GPHN: variants seen among roughly 807,000 people sequenced by gnomAD.
GPHN encodes gephyrin.
A neutral mutation model predicts 95.5 loss-of-function variants in GPHN; 17 were observed. The observed-to-expected ratio is 0.18, with a 90% CI of 0.12 to 0.27. GPHN has a LOEUF of 0.27. Among genes scored for constraint, GPHN ranks in the 10% least tolerant of loss-of-function variants. The probability of loss-of-function intolerance (pLI) is 1.00; values close to 1 mark genes in which losing one functional copy is unlikely to be tolerated. For missense variants in GPHN, 660 were observed against 978.1 expected (o/e 0.67, Z 4.34); for synonymous variants, 320 against 322.5 (o/e 0.99, Z 0.08).
At chr14:66,778,912 T>A (rs116282399) in intron 3 of GPHN, among the ~76,000 whole-genome samples, 11,459 of 151,546 alleles carry the variant, frequency 0.076, 1,059 homozygotes, top group African/African-American at 0.22. Flanking sequence ...ATTTTTTTTT[T>A]AATTTTATTT....
In GPHN at chr14:67,053,232, A is replaced by AAGAC. The variant is rs199703460; in HGVS notation, c.1007-5417_1007-5416insAGAC. On this transcript the variant is annotated intron_variant, in intron 10 of 22. Coordinates refer to ENST00000478722, the MANE Select transcript of GPHN (RefSeq NM_020806.5). ...AAATAGACTACTAGCTAGACTAATAAGGAAAGAGAGAAGAATCAAATAGAC... is the reference window on the plus strand; with the variant it reads ...AAATAGACTACTAGCTAGACTAATAAAGACGGAAAGAGAGAAGAATCAAATAGAC... Among the ~76,000 whole-genome samples, 1,042 of 150,910 alleles carry AAGAC rather than the reference A, an allele frequency of 6.9e-3. 7 individuals are homozygous for AAGAC. Among genetic ancestry groups the AAGAC allele is most frequent in the Non-Finnish European group, 0.01 (689 of 67,762 alleles).
At chr14:66,586,456 T>A (rs1485987195) in intron 1 of GPHN, among the ~76,000 whole-genome samples, 1 of 152,202 alleles carries the variant, frequency 6.6e-6, no homozygotes, top group Admixed American at 6.5e-5. Flanking sequence ...ATTTTGCTCG[T>A]TAGTTGATGC....
the GPHN span, among the ~76,000 whole-genome samples, chr14:67,654,535 T>C: frequency 1.3e-5 from 2 of 152,268 alleles, no homozygotes; most frequent in Admixed American, 6.5e-5. Flanking sequence ...GCCTTGAATG[T>C]AGTACTTTAT....
the GPHN span, among the ~76,000 whole-genome samples, chr14:67,218,478 A>G: frequency 6.6e-6 from 1 of 152,098 alleles, no homozygotes; most frequent in Non-Finnish European, 1.5e-5. Flanking sequence ...CTGAGGCCTG[A>G]TATGTGGATA....
the GPHN span, chr14:67,572,421 G>A: frequency 1.5e-6 from 1 of 646,146 alleles, no homozygotes; most frequent in Non-Finnish European, 2.6e-6. Context: ...GTGGGCTGGG[G>A]GGGTGTACAG....
chr14:66,515,404 A>C (rs1311277406), intron 1 of GPHN, among the ~76,000 whole-genome samples: 8 of 152,206 alleles, frequency 5.3e-5, no homozygotes, highest in African/African-American at 1.7e-4. Flanking sequence ...AGTTTTTAAA[A>C]GGTATGTTTT....
chr14:67,603,988 T>A, the GPHN span, among the ~76,000 whole-genome samples: 1 of 150,504 alleles, frequency 6.6e-6, no homozygotes, highest in South Asian at 2.1e-4. Context: ...GCCCTGCCCT[T>A]GTTTTTTGTT....
At chr14:67,359,706 A>G in the GPHN span, 8 of 1,613,798 alleles carry the variant, frequency 5.0e-6, no homozygotes, top group East Asian at 1.1e-4. Context: ...CATTCTGACG[A>G]TAACTTTTCG....
chr14:67,218,858 T>G, the GPHN span, among the ~76,000 whole-genome samples: 7 of 151,990 alleles, frequency 4.6e-5, no homozygotes, highest in African/African-American at 1.7e-4. Flanking sequence ...TGTCGTACTC[T>G]CCCTCTGGCT....
At chr14:67,569,263 A>G in the GPHN span, 3 of 1,394,178 alleles carry the variant, frequency 2.2e-6, no homozygotes, top group Non-Finnish European at 2.0e-6. Context: ...CAAGGTGGGC[A>G]GGGTGGGCAA....
chr14:66,775,522 C>T (rs559497452), intron 2 of GPHN, among the ~76,000 whole-genome samples: 1 of 152,202 alleles, frequency 6.6e-6, no homozygotes, highest in South Asian at 2.1e-4. Context: ...GTTATTTTAA[C>T]ATGTAGTCAA....
chr14:66,563,643 T>G lies in GPHN; in HGVS notation c.64+55052T>G, dbSNP rs80306186. 3.6e-3 allele frequency among the ~76,000 whole-genome samples: 555 copies of G among 152,308 alleles called. 12 individuals are homozygous for G. The highest frequency in any genetic ancestry group is 0.013 in the African/African-American group (529 of 41,574). ...TCCAATTCTAATGTCTTTCTTTATT[T>G]CTTATGACCAAACCTTTTTCTAGTA... On this transcript the variant is annotated intron_variant, in intron 1 of 22. Coordinates refer to ENST00000478722, the MANE Select transcript of GPHN (RefSeq NM_020806.5).
At chr14:66,587,368 C>G (rs2061464014) in intron 1 of GPHN, among the ~76,000 whole-genome samples, 1 of 152,102 alleles carries the variant, frequency 6.6e-6, no homozygotes, top group Admixed American at 6.6e-5. Flanking sequence ...ATAAATCTTT[C>G]AAACTATTTT....
chr14:67,231,673 T>G, the GPHN span, among the ~76,000 whole-genome samples: 2 of 152,072 alleles, frequency 1.3e-5, no homozygotes, highest in Non-Finnish European at 2.9e-5. Context: ...TGCATATAAA[T>G]TATACCTCAA....
At chr14:67,634,402 G>T in the GPHN span, among the ~76,000 whole-genome samples, 1 of 150,700 alleles carries the variant, frequency 6.6e-6, no homozygotes, top group Non-Finnish European at 1.5e-5. Context: ...AGACCAGCCT[G>T]GGTAGCATGG....
At chr14:66,931,555 T>C (rs1317203283) in intron 8 of GPHN, among the ~76,000 whole-genome samples, 3 of 152,164 alleles carry the variant, frequency 2.0e-5, no homozygotes, top group African/African-American at 7.2e-5. Context: ...TTTTTTATTC[T>C]TTTTTCTTTT....
the GPHN span, among the ~76,000 whole-genome samples, chr14:67,438,136 G>C: frequency 3.9e-5 from 6 of 152,100 alleles, no homozygotes; most frequent in Non-Finnish European, 8.8e-5. Context: ...TGTTGGCAAA[G>C]CTCCCAGGAC....
chr14:66,675,353 C>A (rs1035045101), intron 1 of GPHN, among the ~76,000 whole-genome samples: 1 of 151,958 alleles, frequency 6.6e-6, no homozygotes, highest in African/African-American at 2.4e-5. Flanking sequence ...CCCATGTTGG[C>A]CAGGATGGTC....
At chr14:67,422,669 TG>T in the GPHN span, among the ~76,000 whole-genome samples, 1 of 152,174 alleles carries the variant, frequency 6.6e-6, no homozygotes, top group Admixed American at 6.5e-5. Flanking sequence ...TGGAAGAAAA[TG>T]CATATCAGTT....
Sources: gnomAD v4.1 joint callset for allele counts (sites outside exome capture counted in the v4.1 genomes callset) on GRCh38, gnomAD v4.1.1 for gene constraint, MANE v1.5 for transcripts, NCBI Gene and HGNC (gene_info 2026-07-23, HGNC 2026-07-21) for gene names.